The following CARD18 variants were observed in gnomAD, a reference collection of about 807,000 sequenced individuals.
CARD18 encodes the protein caspase recruitment domain family member 18.
CARD18 carries 7 observed loss-of-function variants against 7.9 expected under a neutral mutation model. The ratio of observed to expected loss-of-function variants is 0.88; its 90% CI spans 0.50 to 1.66. CARD18 has a LOEUF of 1.66. CARD18 is among the 40% of genes most tolerant of loss of function. CARD18 has a pLI of 0.00. For synonymous variants in CARD18, 34 were observed against 34.8 expected, an observed-to-expected ratio of 0.98 and a Z score of 0.08; for missense variants, 134 against 105.5, an observed-to-expected ratio of 1.27 and a Z score of -1.18.
In CARD18 at chr11:105,138,987, T is replaced by G; in HGVS notation, c.99A>C (p.Glu33Asp). The change falls in exon 2 of 3, where the codon GAA (glutamate) becomes GAC (aspartate). Residue 33 changes from glutamate to aspartate, a missense_variant. By Grantham distance (45) the Glu-to-Asp change is conservative (BLOSUM62 2). Transcript: ENST00000530950. Reference protein sequence around the residue: ...NALLDCLLEDEVISQEDMNKV... With the variant: ...NALLDCLLEDDVISQEDMNKV... ...TGTTCATGTCTTCCTGGCTAATAAC[T>G]TCATCCTCTAATAGGCAATCCAGCA... is the stretch of plus-strand genomic sequence containing the variant. The G allele has an allele frequency of 6.2e-7, 1 of 1,613,724 alleles. No homozygotes were observed. The highest frequency in any genetic ancestry group is 1.6e-4 in the Middle Eastern group (1 of 6,062).
rs755791583 is a variant in CARD18, at chr11:105,139,749, A to G, written c.-23T>C. On this transcript the variant is annotated 5_prime_UTR_variant, in exon 1 of 3. Transcript: ENST00000530950. ...CATGGCTCCTCACGTTGGCACTTGC[A>G]ATGTGTGTTACACTTGCAATGACAG... 4.4e-6 allele frequency: 7 copies of G among 1,598,874 alleles called. No individual in the cohort carries two copies. Among genetic ancestry groups the G allele is most frequent in the Non-Finnish European group, 5.9e-6 (7 of 1,179,340 alleles).
At position 105,139,690 on chromosome 11, in the gene CARD18, A is replaced by G. The variant is rs760813776; in HGVS notation, c.7+30T>C. 25 of 1,598,254 alleles carry G rather than the reference A, an allele frequency of 1.6e-5. No homozygotes were observed. In the Admixed American group the frequency reaches 3.5e-4, roughly 22 times the overall value. ...CCTTTCCCAAACTAATTCCTCCCTA[A>G]GACCTATCCTCTTACTGGGGAAGAC... On this transcript the variant is annotated intron_variant, in intron 1 of 2. Coordinates refer to ENST00000530950, the MANE Select transcript of CARD18 (RefSeq NM_021571.4).
At chr11:105,139,299 C>G in intron 1 of CARD18, 1 of 568,626 alleles carries the variant, frequency 1.8e-6, no homozygotes, top group Non-Finnish European at 3.1e-6. Flanking sequence ...CATGATTTTT[C>G]TGTGAATCTC....
intron 2 of CARD18, among the ~76,000 whole-genome samples, chr11:105,138,425 G>A (rs925924983): frequency 1.3e-5 from 2 of 152,062 alleles, no homozygotes; most frequent in Non-Finnish European, 2.9e-5. Context: ...AGGGTGGTAG[G>A]TACAAAAAGA....
chr11:105,139,533 GGC>G lies in CARD18; in HGVS notation c.7+185_7+186del, dbSNP rs537209405. On this transcript the variant is annotated intron_variant, in intron 1 of 2. Coordinates refer to ENST00000530950, the MANE Select transcript of CARD18 (RefSeq NM_021571.4). Reference sequence around the variant, plus strand: ...ACCAGTAGGATCCCAGATTCTTCCTGGCCTTTATCTGTTCCTTCAAAAACGCT... The same window carrying G: ...ACCAGTAGGATCCCAGATTCTTCCTGCTTTATCTGTTCCTTCAAAAACGCT... The G allele has an allele frequency of 8.0e-4, 484 of 603,404 alleles. 4 individuals are homozygous for G. The South Asian group carries it at 8.6e-3, about 11-fold the overall frequency. The allele number at this position is 603,404 out of a possible 1,614,324, so 37.4% of individuals were successfully genotyped here.
chr11:105,139,154 T>C lies in CARD18; in HGVS notation c.8-76A>G, dbSNP rs1865443275. The C allele has an allele frequency of 1.1e-5, 16 of 1,472,284 alleles. No homozygotes were observed. The East Asian group carries it at 3.6e-4, about 33-fold the overall frequency. 91.2% of individuals were successfully genotyped at this position (1,472,284 alleles called of 1,614,324 possible). ...TCTCAATTTACCAACAGGGTAACAA[T>C]CATTTAAACATTTCTCTCCACAAGT... On this transcript the variant is annotated intron_variant, in intron 1 of 2. Transcript: ENST00000530950.
chr11:105,138,004 T>C lies in CARD18; in HGVS notation c.*96A>G, dbSNP rs1865426412. On this transcript the variant is annotated 3_prime_UTR_variant, in exon 3 of 3. Coordinates refer to ENST00000530950, the MANE Select transcript of CARD18 (RefSeq NM_021571.4). Reference sequence around the variant, plus strand: ...TTAATCAGGTTTGAAAAAAGCACTGTTGTTTTGTTTTGTTTTTTTCTTTCA... The same window carrying C: ...TTAATCAGGTTTGAAAAAAGCACTGCTGTTTTGTTTTGTTTTTTTCTTTCA... 6.6e-6 allele frequency: 1 copy of C among 152,132 alleles called. No individual in the cohort carries two copies. 9.4% of individuals were successfully genotyped at this position (152,132 alleles called of 1,614,324 possible).
Position 105,139,068 on chromosome 11 carries a change from C to T in CARD18, c.18G>A (p.Leu6=). 6.2e-7 allele frequency: 1 copy of T among 1,612,732 alleles called. No individual in the cohort carries two copies. Among genetic ancestry groups the T allele is most frequent in the South Asian group, 1.1e-5 (1 of 90,944 alleles). Residue 6 remains leucine, a synonymous_variant, in exon 2 of 3, where the codon TTG becomes TTA. Transcript: ENST00000530950. Reference sequence around the variant, plus strand: ...GGATAAAAATTCTTCTCTTTTTACGCAAGAGTTGGTCTGTTGGAAGCACAA... The same window carrying T: ...GGATAAAAATTCTTCTCTTTTTACGTAAGAGTTGGTCTGTTGGAAGCACAA... MADQL[L]RKKRRIFIHS...
In CARD18 at chr11:105,138,299, C is replaced by A. The variant is rs567260169; in HGVS notation, c.*2-201G>T. ...ACGAGAATCCATATATAATTTCATG[C>A]AAATATAATTATTTAGTGCATATTT... On this transcript the variant is annotated intron_variant, in intron 2 of 2. Coordinates refer to ENST00000530950, the MANE Select transcript of CARD18 (RefSeq NM_021571.4). 2.0e-5 allele frequency among the ~76,000 whole-genome samples: 3 copies of A among 152,154 alleles called. No individual in the cohort carries two copies. In the South Asian group the frequency reaches 6.2e-4, roughly 32 times the overall value.
In CARD18 at chr11:105,137,925, G is replaced by A. The variant is rs141405020; in HGVS notation, c.*175C>T. On this transcript the variant is annotated 3_prime_UTR_variant, in exon 3 of 3. Coordinates refer to ENST00000530950, the MANE Select transcript of CARD18 (RefSeq NM_021571.4). ...TCCTCTGTTGGTATGAGGAGAGAAA[G>A]AATAAGAAGAAAGTAATATGAGAGA... The A allele has an allele frequency of 1.4e-3, 206 of 152,284 alleles. No homozygotes were observed. Among genetic ancestry groups the A allele is most frequent in the African/African-American group, 4.7e-3 (196 of 41,572 alleles). The allele number at this position is 152,284 out of a possible 1,614,324, so 9.4% of individuals were successfully genotyped here. A position where few individuals can be genotyped will look rare whatever the true frequency, so the allele number is the denominator to read the frequency against.
chr11:105,138,861 A>T lies in CARD18; in HGVS notation c.225T>A (p.His75Gln). The part of the protein sequence containing the change: ...GPKSCCKFIK[H>Q]LCEEDPQLAS... ...CAAGTTGAGGGTCTTCTTCACAGAG[A>T]TGCTTGATAAATTTGCAGCAAGACT... is the stretch of plus-strand genomic sequence containing the variant. The change falls in exon 2 of 3, where the codon CAT becomes CAA. Residue 75 changes from histidine to glutamine, a missense_variant. By Grantham distance (24) the His-to-Gln change is conservative. Coordinates refer to ENST00000530950, the MANE Select transcript of CARD18 (RefSeq NM_021571.4). The T allele has an allele frequency of 6.2e-7, 1 of 1,613,696 alleles. No homozygotes were observed.
In CARD18 at chr11:105,139,720, C is replaced by T; in HGVS notation, c.7G>A (p.Asp3Asn). The T allele has an allele frequency of 6.3e-7, 1 of 1,598,944 alleles. No individual in the cohort carries two copies. The highest frequency in any genetic ancestry group is 8.5e-7 in the Non-Finnish European group (1 of 1,179,410). ...TATCCTCTTACTGGGGAAGACTCAC[C>T]AGCCATGGCTCCTCACGTTGGCACT... MA[D>N]QLLRKKRRIF... The change falls in exon 1 of 3, where the codon GAC becomes AAC. Residue 3 changes from aspartate (D) to asparagine (N), a missense_variant and splice_region_variant. Physicochemically the swap from Asp to Asn is conservative, Grantham distance 23 (BLOSUM62 1). Coordinates refer to ENST00000530950, the MANE Select transcript of CARD18 (RefSeq NM_021571.4).
At chr11:105,139,351 C>A in intron 1 of CARD18, 1 of 536,446 alleles carries the variant, frequency 1.9e-6, no homozygotes. Flanking sequence ...ATCCCAGTTT[C>A]TTGAATTTTG....
intron 1 of CARD18, chr11:105,139,393 G>A (rs1206996381): frequency 1.9e-6 from 1 of 530,660 alleles, no homozygotes; most frequent in Non-Finnish European, 3.3e-6. Flanking sequence ...AATTTTGAAG[G>A]GAATTGACTG....
rs910609393 is a variant in CARD18, at chr11:105,138,913, A to G, written c.173T>C (p.Ile58Thr). Reference protein sequence around the residue: ...DTVMDKARVLIDLVTGKGPKS... With the variant: ...DTVMDKARVLTDLVTGKGPKS... The stretch of plus-strand genomic sequence containing the variant: ...GGGTCCTTTTCCAGTAACAAGGTCA[A>G]TCAAGACTCGAGCCTTATCCATGAC... The change falls in exon 2 of 3, where the codon ATT (isoleucine) becomes ACT (threonine). Residue 58 changes from isoleucine (I) to threonine (T), a missense_variant. Ile to Thr is a moderately conservative substitution (Grantham distance 89). Transcript: ENST00000530950. The G allele has an allele frequency of 1.2e-6, 2 of 1,613,754 alleles. No homozygotes were observed. The highest frequency in any genetic ancestry group is 1.7e-6 in the Non-Finnish European group (2 of 1,179,740).
rs778490874 is a variant in CARD18, at chr11:105,138,921, T to C, written c.165A>G (p.Arg55=). 6.2e-6 allele frequency: 10 copies of C among 1,613,776 alleles called. No individual in the cohort carries two copies. Among genetic ancestry groups the C allele is most frequent in the Non-Finnish European group, 8.5e-6 (10 of 1,179,750 alleles). ...DENDTVMDKA[R]VLIDLVTGKG... ...TTCCAGTAACAAGGTCAATCAAGAC[T>C]CGAGCCTTATCCATGACAGTGTCAT... Residue 55 remains arginine (R), a synonymous_variant, in exon 2 of 3, where the codon CGA becomes CGG. Coordinates refer to ENST00000530950, the MANE Select transcript of CARD18 (RefSeq NM_021571.4).
At chr11:105,139,627 C>A in intron 1 of CARD18, 93 bp downstream of exon 1, 1 of 1,413,004 alleles carries the variant, frequency 7.1e-7, no homozygotes. Context: ...CCAAGGCTGC[C>A]CACACAAACC....
Position 105,138,819 on chromosome 11 carries a change from C to CA in CARD18, c.266dup (p.Leu89PhefsTer50), listed in dbSNP as rs1565260142. ...TGAATCATTCCACCTTACCTTAGTG[C>CA]AAACCCATCTTTGAGGCAAGTTGAG... On this transcript the variant is annotated frameshift_variant, in exon 2 of 3. Transcript: ENST00000530950. LOFTEE classifies it high-confidence loss of function. 1 of 1,613,474 alleles carries CA rather than the reference C, an allele frequency of 6.2e-7. No individual in the cohort carries two copies. Among genetic ancestry groups the CA allele is most frequent in the East Asian group, 2.2e-5 (1 of 44,854 alleles).
Position 105,139,372 on chromosome 11 carries a change from A to T in CARD18, c.8-294T>A. The stretch of plus-strand genomic sequence containing the variant: ...GTTTCTTGAATTTTGAAGGGAATTG[A>T]CAGTTTCATGAATTTTGAAGGGAAT... On this transcript the variant is annotated intron_variant, in intron 1 of 2. Coordinates refer to ENST00000530950, the MANE Select transcript of CARD18 (RefSeq NM_021571.4). The T allele has an allele frequency of 3.7e-6, 2 of 537,146 alleles. 1 individual carries two copies. The highest frequency in any genetic ancestry group is 6.1e-5 in the East Asian group (2 of 32,818). The allele number at this position is 537,146 out of a possible 1,614,324, so 33.3% of individuals were successfully genotyped here.
Sources: allele counts gnomAD v4.1 joint callset (sites outside exome capture counted in the v4.1 genomes callset), GRCh38; gene constraint gnomAD v4.1.1; transcripts MANE v1.5; gene names NCBI Gene and HGNC (gene_info 2026-07-23, HGNC 2026-07-21).